RPS6KB1: variants seen among roughly 807,000 people sequenced by gnomAD.
RPS6KB1 encodes the protein ribosomal protein S6 kinase B1, also known as ribosomal protein S6 kinase beta-1.
A neutral mutation model predicts 70.2 loss-of-function variants in RPS6KB1; 12 were observed. That is an observed-to-expected ratio of 0.17 (90% CI 0.11 to 0.28). The LOEUF (loss-of-function observed/expected upper bound fraction) is 0.28, where lower values mean the gene tolerates loss of function less well. Among genes scored for constraint, RPS6KB1 ranks in the 10% least tolerant of loss-of-function variants. The probability of loss-of-function intolerance (pLI) is 1.00; values close to 1 mark genes in which losing one functional copy is unlikely to be tolerated. For missense variants in RPS6KB1, 270 were observed against 646.6 expected, an observed-to-expected ratio of 0.42 and a Z score of 6.32; for synonymous variants, 175 against 211.2, an observed-to-expected ratio of 0.83 and a Z score of 1.49.
At chr17:59,939,480 G>C (rs1038097348) in intron 12 of RPS6KB1, among the ~76,000 whole-genome samples, 1 of 151,940 alleles carries the variant, frequency 6.6e-6, no homozygotes, top group African/African-American at 2.4e-5. Flanking sequence ...GGGTTTTGCC[G>C]TGTTCACCAG....
intron 10 of RPS6KB1, among the ~76,000 whole-genome samples, 173 bp from the exon 11 acceptor site, chr17:59,936,042 G>A: frequency 6.6e-6 from 1 of 151,856 alleles, no homozygotes; most frequent in Non-Finnish European, 1.5e-5. Flanking sequence ...CCCAACCTCA[G>A]GTGATCCACC....
intron 13 of RPS6KB1, among the ~76,000 whole-genome samples, chr17:59,942,235 G>A (rs1598832691): frequency 1.3e-5 from 2 of 152,288 alleles, no homozygotes; most frequent in South Asian, 2.1e-4. Context: ...ATGAGCCACC[G>A]TGCCAGGCCA....
At chr17:59,929,083 C>A (rs1397173849) in intron 5 of RPS6KB1, among the ~76,000 whole-genome samples, 2 of 150,336 alleles carry the variant, frequency 1.3e-5, no homozygotes, top group Non-Finnish European at 3.0e-5. Context: ...TGAGGAGATA[C>A]TTTGAGATTA....
chr17:59,906,683 T>C (rs2042281700), intron 1 of RPS6KB1, among the ~76,000 whole-genome samples: 1 of 152,022 alleles, frequency 6.6e-6, no homozygotes, highest in South Asian at 2.1e-4. Context: ...CATTTCTTTC[T>C]TTCTTTACTT....
chr17:59,896,318 C>T (rs1264703810), intron 1 of RPS6KB1, among the ~76,000 whole-genome samples: 3 of 152,004 alleles, frequency 2.0e-5, no homozygotes, highest in Admixed American at 6.6e-5. Flanking sequence ...CTCAGCCTCC[C>T]GAGTAGCTGG....
rs1404654152 is a variant in RPS6KB1, at chr17:59,935,101, T to G, written c.871-92T>G. On this transcript the variant is annotated intron_variant, in intron 9 of 14. Transcript: ENST00000225577. ...TTCTGATCTCCATGTATAACTAATT[T>G]AGGAAATGGATAATATTATTCAAAA... 4.3e-6 allele frequency: 3 copies of G among 704,726 alleles called. No homozygotes were observed. In the African/African-American group the frequency reaches 5.4e-5, roughly 13 times the overall value. The allele number at this position is 704,726 out of a possible 1,614,324, so 43.7% of individuals were successfully genotyped here. A position where few individuals can be genotyped will look rare whatever the true frequency, so the allele number is the denominator to read the frequency against.
chr17:59,915,523 T>C (rs2042893081), intron 4 of RPS6KB1, among the ~76,000 whole-genome samples: 1 of 151,842 alleles, frequency 6.6e-6, no homozygotes, highest in Non-Finnish European at 1.5e-5. Context: ...TGGAGTGCAG[T>C]TGTACAATCT....
chr17:59,941,374 T>TAG (rs1409832127), intron 13 of RPS6KB1, among the ~76,000 whole-genome samples: 1 of 150,306 alleles, frequency 6.7e-6, no homozygotes, highest in Non-Finnish European at 1.5e-5. Flanking sequence ...AGGCTGGGTG[T>TAG]AGTGTAGTGG....
chr17:59,932,205 G>A (rs1169400994), intron 7 of RPS6KB1, among the ~76,000 whole-genome samples: 1 of 151,156 alleles, frequency 6.6e-6, no homozygotes, highest in African/African-American at 2.4e-5. Flanking sequence ...AGGAGTTCAA[G>A]ACGCCTGGCC....
rs756594255 is a variant in RPS6KB1 at position 59,934,505 on chromosome 17, A to G, written c.851A>G (p.Tyr284Cys). ...VDWWSLGALMYDMLTGAPPFT... is the reference protein window; with the variant it reads ...VDWWSLGALMCDMLTGAPPFT... ...TGGTGGAGTTTGGGAGCATTAATGT[A>G]TGACATGCTGACTGGAGCAGTAGGT... The change falls in exon 9 of 15, where the codon TAT (tyrosine) becomes TGT (cysteine). Residue 284 changes from tyrosine (Y) to cysteine (C), a missense_variant. Physicochemically the swap from Tyr to Cys is radical, Grantham distance 194. Transcript: ENST00000225577. This position sits in a 1 kb window ranked among gnomAD's most constrained non-coding sequence, Gnocchi z 4.8. 6.2e-7 allele frequency: 1 copy of G among 1,613,326 alleles called. No individual in the cohort carries two copies. Among genetic ancestry groups the G allele is most frequent in the Non-Finnish European group, 8.5e-7 (1 of 1,179,316 alleles).
At chr17:59,895,112 C>T (rs1020783388) in intron 1 of RPS6KB1, among the ~76,000 whole-genome samples, 1 of 151,748 alleles carries the variant, frequency 6.6e-6, no homozygotes, top group African/African-American at 2.4e-5. Flanking sequence ...CCTCTGCCTC[C>T]TGGGTTCAAG....
At chr17:59,921,811 AC>A (rs1327396059) in intron 4 of RPS6KB1, among the ~76,000 whole-genome samples, 3 of 152,174 alleles carry the variant, frequency 2.0e-5, no homozygotes, top group Non-Finnish European at 4.4e-5. Context: ...ACATTTTAGA[AC>A]CTTTGGCCAA....
intron 4 of RPS6KB1, among the ~76,000 whole-genome samples, chr17:59,922,551 CTTTTTTTT>C (rs71145590): frequency 6.2e-5 from 5 of 80,386 alleles, no homozygotes; most frequent in African/African-American, 2.3e-4. Context: ...TTTTATACTC[CTTTTTTTT>C]TTTTTTTTTT....
At position 59,893,334 on chromosome 17, in the gene RPS6KB1, C is replaced by T. The variant is rs202216623; in HGVS notation, c.141+9C>T. On this transcript the variant is annotated intron_variant, in intron 1 of 14. Transcript: ENST00000225577. This position sits in a 1 kb window ranked among gnomAD's most constrained non-coding sequence, Gnocchi z 4.1. Reference sequence around the variant, plus strand: ...ATGAGCTGGAGGAGGGGGTGAGGCCCGGGGTCCCCGGGGGCCCGAGGTGAC... The same window carrying T: ...ATGAGCTGGAGGAGGGGGTGAGGCCTGGGGTCCCCGGGGGCCCGAGGTGAC... The T allele has an allele frequency of 6.3e-6, 10 of 1,592,962 alleles. No homozygotes were observed. The highest frequency in any genetic ancestry group is 2.3e-5 in the East Asian group (1 of 43,854).
At chr17:59,907,621 C>T (rs1466743970) in intron 1 of RPS6KB1, among the ~76,000 whole-genome samples, 1 of 151,728 alleles carries the variant, frequency 6.6e-6, no homozygotes, top group Non-Finnish European at 1.5e-5. Context: ...ACATTGTAGC[C>T]ATGACCTCCT....
chr17:59,917,715 G>A (rs2043038490), intron 4 of RPS6KB1, among the ~76,000 whole-genome samples: 1 of 152,186 alleles, frequency 6.6e-6, no homozygotes, highest in African/African-American at 2.4e-5. Context: ...GGGATTACAG[G>A]CATGTGCCAC....
chr17:59,906,655 C>T (rs1439484067), intron 1 of RPS6KB1, among the ~76,000 whole-genome samples: 1 of 151,994 alleles, frequency 6.6e-6, no homozygotes, highest in Non-Finnish European at 1.5e-5. Flanking sequence ...AGCCACCACA[C>T]CCGGCCTGGC....
chr17:59,904,287 G>A (rs146020254), intron 1 of RPS6KB1, among the ~76,000 whole-genome samples: 548 of 151,248 alleles, frequency 3.6e-3, no homozygotes, highest in Non-Finnish European at 5.5e-3. Context: ...CACCACGTTG[G>A]TCAGGCTGGT....
chr17:59,900,253 A>G (rs1472472206), intron 1 of RPS6KB1, among the ~76,000 whole-genome samples: 1 of 145,998 alleles, frequency 6.8e-6, no homozygotes, highest in African/African-American at 2.5e-5. Context: ...TTTGTTGTGT[A>G]TGTTGGCTGT....
Sources: allele counts gnomAD v4.1 joint callset (sites outside exome capture counted in the v4.1 genomes callset), GRCh38; gene constraint gnomAD v4.1.1; non-coding constraint Gnocchi (gnomAD v3.1); transcripts MANE v1.5; gene names NCBI Gene and HGNC (gene_info 2026-07-23, HGNC 2026-07-21).